The following SGO2 variants were observed in gnomAD, a reference collection of about 807,000 sequenced individuals.
The protein encoded by SGO2 is shugoshin-like 2.
In SGO2, 68 loss-of-function variants were observed where a neutral mutation model predicts 99.5. The ratio of observed to expected loss-of-function variants is 0.68; its 90% confidence interval spans 0.56 to 0.84. The LOEUF is 0.84. SGO2 is among the 40% of genes least tolerant of loss of function. The pLI is 0.00. For missense variants in SGO2, 1,350 were observed against 1,436.7 expected, an observed-to-expected ratio of 0.94 and a Z score of 0.97; for synonymous variants, 457 against 487.1, an observed-to-expected ratio of 0.94 and a Z score of 0.81.
chr2:200,569,629 C>A, intron 5 of SGO2, 34 bp from the exon 6 acceptor site: 1 of 1,494,196 alleles, frequency 6.7e-7, no homozygotes, highest in Non-Finnish European at 9.1e-7. Context: ...TTATAAAACA[C>A]ATAATTTCTC....
At chr2:200,536,959 AAAAC>A (rs1055007682) in intron 4 of SGO2, among the ~76,000 whole-genome samples, 4 of 152,194 alleles carry the variant, frequency 2.6e-5, no homozygotes, top group African/African-American at 9.6e-5. Flanking sequence ...TCTTTATATA[AAAAC>A]AAACAAACAA....
chr2:200,554,586 C>T (rs6717942), intron 5 of SGO2, among the ~76,000 whole-genome samples: 5,209 of 152,230 alleles, frequency 0.034, 308 homozygotes, highest in African/African-American at 0.12. Flanking sequence ...ATTTTGGTTT[C>T]TTCTATGACA....
chr2:200,578,236 T>A (rs1357671334), intron 8 of SGO2, among the ~76,000 whole-genome samples: 1 of 151,932 alleles, frequency 6.6e-6, no homozygotes, highest in African/African-American at 2.4e-5. Context: ...GCCATCAATA[T>A]TTATCTTGTT....
At position 200,572,289 on chromosome 2, in the gene SGO2, T is replaced by G; in HGVS notation, c.1943T>G (p.Phe648Cys). ...GGCCTAAAAAAAGGTAATTTTTTTT[T>G]CAAAACCCAAGAGGATAAAGAACCT... ...VHGLKKGNFF[F>C]KTQEDKEPIS... Residue 648 changes from phenylalanine (F) to cysteine (C), a missense_variant, in exon 7 of 9, where the codon TTC becomes TGC. By Grantham distance (205) the Phe-to-Cys change is radical. Transcript: ENST00000357799. The G allele has an allele frequency of 6.2e-7, 1 of 1,610,456 alleles. No homozygotes were observed. The highest frequency in any genetic ancestry group is 8.5e-7 in the Non-Finnish European group (1 of 1,178,954).
At chr2:200,566,974 T>A (rs1200131817) in intron 5 of SGO2, among the ~76,000 whole-genome samples, 2 of 152,194 alleles carry the variant, frequency 1.3e-5, no homozygotes, top group East Asian at 3.9e-4. Flanking sequence ...GTGTCAAGGC[T>A]TCCCTTGGCT....
At chr2:200,534,661 G>A (rs1485714450) in intron 2 of SGO2, among the ~76,000 whole-genome samples, 1 of 152,160 alleles carries the variant, frequency 6.6e-6, no homozygotes, top group Non-Finnish European at 1.5e-5. Flanking sequence ...GTCAAAGGTA[G>A]GAAATTAGGT....
At chr2:200,564,203 T>A (rs1463814177) in intron 5 of SGO2, among the ~76,000 whole-genome samples, 5 of 152,242 alleles carry the variant, frequency 3.3e-5, no homozygotes, top group Admixed American at 1.3e-4. Context: ...CATTTAGTGC[T>A]GTAAATTTCC....
intron 5 of SGO2, among the ~76,000 whole-genome samples, chr2:200,561,976 A>G (rs1245745139): frequency 3.3e-5 from 5 of 152,018 alleles, no homozygotes; most frequent in Non-Finnish European, 5.9e-5. Flanking sequence ...AGATGAGTAG[A>G]TTGCAAAAAT....
rs2033488789 is a variant in SGO2 at position 200,572,728 on chromosome 2, G to A, written c.2382G>A (p.Met794Ile). ...NVLGVKHGHD[M>I]QPACQNDSKI... ...TGGGGGTGAAACATGGCCATGATAT[G>A]CAACCTGCTTGTCAAAATGATTCAA... Residue 794 changes from methionine to isoleucine, a missense_variant, in exon 7 of 9, where the codon ATG becomes ATA. Coordinates refer to ENST00000357799, the MANE Select transcript of SGO2 (RefSeq NM_152524.6). 1 of 1,612,942 alleles carries A rather than the reference G, an allele frequency of 6.2e-7. No individual in the cohort carries two copies. Among genetic ancestry groups the A allele is most frequent in the African/African-American group, 1.3e-5 (1 of 74,864 alleles).
chr2:200,539,078 A>T (rs1412147661), intron 4 of SGO2, among the ~76,000 whole-genome samples: 1 of 152,126 alleles, frequency 6.6e-6, no homozygotes, highest in African/African-American at 2.4e-5. Context: ...ATACAGTATT[A>T]TAATTGTTTT....
intron 8 of SGO2, among the ~76,000 whole-genome samples, chr2:200,583,033 G>T (rs923029482): frequency 5.3e-5 from 8 of 152,086 alleles, no homozygotes; most frequent in Middle Eastern, 3.2e-3. Context: ...GTCCCTTTTT[G>T]GGGGAGGAGA....
rs1300190644 is a variant in SGO2 at position 200,583,466 on chromosome 2, G to A, written c.*2G>A. 1 of 1,585,856 alleles carries A rather than the reference G, an allele frequency of 6.3e-7. No individual in the cohort carries two copies. The highest frequency in any genetic ancestry group is 1.2e-5 in the South Asian group (1 of 83,208). On this transcript the variant is annotated 3_prime_UTR_variant, in exon 9 of 9. Transcript: ENST00000357799. ...CTTTGCAGCAAGATGAGAAGATGAA[G>A]TGAATTTATGGATTCTGGTTTTTCT... is the stretch of plus-strand genomic sequence containing the variant.
At chr2:200,528,549 G>C (rs2031214652) in intron 1 of SGO2, among the ~76,000 whole-genome samples, 1 of 152,148 alleles carries the variant, frequency 6.6e-6, no homozygotes, top group South Asian at 2.1e-4. Flanking sequence ...GGGGTGGGGG[G>C]AGTTTAGGAC....
At chr2:200,580,894 A>G (rs532235312) in intron 8 of SGO2, among the ~76,000 whole-genome samples, 57 of 152,204 alleles carry the variant, frequency 3.7e-4, no homozygotes, top group African/African-American at 1.0e-3. Flanking sequence ...TTTGCAATCA[A>G]TTTTTCTCTG....
intron 5 of SGO2, among the ~76,000 whole-genome samples, chr2:200,549,849 A>G (rs1332017781): frequency 6.6e-6 from 1 of 152,214 alleles, no homozygotes; most frequent in Non-Finnish European, 1.5e-5. Context: ...GCTATTCAAC[A>G]TAATACTTGA....
At chr2:200,567,936 G>A (rs1002048923) in intron 5 of SGO2, among the ~76,000 whole-genome samples, 2 of 152,132 alleles carry the variant, frequency 1.3e-5, no homozygotes, top group African/African-American at 4.8e-5. Flanking sequence ...ACAAATTTTT[G>A]TGTGGACATA....
Position 200,533,059 on chromosome 2 carries a change from T to C in SGO2, c.84T>C (p.Thr28=). ...RHLKDKRISK[T]TKLNVSLASK... Reference sequence around the variant, plus strand: ...TGAAAGACAAAAGAATTTCAAAGACTACTAAGTTGAATGTTTCTCTTGCTT... The same window carrying C: ...TGAAAGACAAAAGAATTTCAAAGACCACTAAGTTGAATGTTTCTCTTGCTT... Residue 28 remains threonine, a synonymous_variant, in exon 2 of 9, where the codon ACT becomes ACC. Transcript: ENST00000357799. The C allele has an allele frequency of 6.3e-7, 1 of 1,599,284 alleles. No homozygotes were observed.
intron 1 of SGO2, among the ~76,000 whole-genome samples, chr2:200,529,840 T>G (rs750731757): frequency 6.6e-6 from 1 of 152,210 alleles, no homozygotes; most frequent in Non-Finnish European, 1.5e-5. Flanking sequence ...GAGCTACAGT[T>G]TTAAGTGACC....
chr2:200,536,006 T>C, intron 3 of SGO2, 59 bp from the exon 4 acceptor site: 1 of 1,088,144 alleles, frequency 9.2e-7, no homozygotes, highest in South Asian at 1.7e-5. Flanking sequence ...AAATGCCTGA[T>C]ATTATAATAA....
Sources: allele counts gnomAD v4.1 joint callset (sites outside exome capture counted in the v4.1 genomes callset), GRCh38; gene constraint gnomAD v4.1.1; transcripts MANE v1.5; gene names NCBI Gene and HGNC (gene_info 2026-07-23, HGNC 2026-07-21).